WWC1: variants seen among roughly 807,000 people sequenced by gnomAD.
WWC1 encodes WW and C2 domain containing 1, also known as protein KIBRA.
WWC1 carries 55 observed loss-of-function variants against 138.4 expected under a neutral mutation model. The ratio of observed to expected loss-of-function variants is 0.40; its 90% CI spans 0.32 to 0.50. The LOEUF is 0.50. WWC1 is among the 20% of genes least tolerant of loss of function. The pLI is 0.72. For missense variants in WWC1, 1,226 were observed against 1,420.4 expected (o/e 0.86, Z 2.20); for synonymous variants, 524 against 564.9 (o/e 0.93, Z 1.03).
chr5:168,366,517 C>T lies in WWC1; in HGVS notation c.120-4907C>T, dbSNP rs1776300738. 3.3e-5 allele frequency among the ~76,000 whole-genome samples: 5 copies of T among 152,292 alleles called. No homozygotes were observed. The South Asian group carries it at 1.0e-3, about 32-fold the overall frequency. ...CTTCTAGCTTTGGGTCCTCTTGCCT[C>T]CCTCTGCTTTATTTCTCTTGGGCAC... On this transcript the variant is annotated intron_variant, in intron 1 of 22. Coordinates refer to ENST00000265293, the MANE Select transcript of WWC1 (RefSeq NM_015238.3).
At chr5:168,454,266 G>A (rs1345643714) in intron 18 of WWC1, among the ~76,000 whole-genome samples, 166 bp downstream of exon 18, 1 of 152,152 alleles carries the variant, frequency 6.6e-6, no homozygotes, top group Non-Finnish European at 1.5e-5. Flanking sequence ...AGTAAACCAG[G>A]AGAGGCCAAC....
At chr5:168,418,858 A>G (rs749811837) in intron 9 of WWC1, among the ~76,000 whole-genome samples, 3 of 152,084 alleles carry the variant, frequency 2.0e-5, no homozygotes, top group Non-Finnish European at 4.4e-5. Context: ...TTGAAAGTCA[A>G]GGATTTTGTT....
intron 2 of WWC1, among the ~76,000 whole-genome samples, chr5:168,384,735 TCAGAC>T (rs1777912695): frequency 1.8e-5 from 2 of 114,102 alleles, no homozygotes; most frequent in Admixed American, 8.6e-5. Flanking sequence ...TTTTTTTTTT[TCAGAC>T]AGAGTCTCAT....
intron 6 of WWC1, 64 bp from the exon 7 acceptor site, chr5:168,408,443 C>G (rs898046251): frequency 6.4e-7 from 1 of 1,574,244 alleles, no homozygotes; most frequent in East Asian, 2.2e-5. Context: ...GCACAGGGAG[C>G]GTGGCAGACC....
chr5:168,410,060 G>T (rs1361007322), intron 8 of WWC1, 65 bp downstream of exon 8: 1 of 1,485,948 alleles, frequency 6.7e-7, no homozygotes, highest in African/African-American at 1.4e-5. Flanking sequence ...TAGAATGCCT[G>T]CTCTGTGCTT....
At chr5:168,369,284 C>T (rs142514696) in intron 1 of WWC1, among the ~76,000 whole-genome samples, 16 of 152,324 alleles carry the variant, frequency 1.1e-4, no homozygotes, top group Admixed American at 3.9e-4. Flanking sequence ...AGAGTTAGTA[C>T]TGTCCTCATT....
chr5:168,427,946 G>T, intron 11 of WWC1, 87 bp from the exon 12 acceptor site: 1 of 1,100,946 alleles, frequency 9.1e-7, no homozygotes, highest in South Asian at 1.4e-5. Flanking sequence ...GGATGAGTGA[G>T]ACCCTGCCTC....
At chr5:168,337,494 C>T (rs56935130) in intron 1 of WWC1, among the ~76,000 whole-genome samples, 30,890 of 151,872 alleles carry the variant, frequency 0.2, 5,449 homozygotes, top group African/African-American at 0.47. Flanking sequence ...CTGCAGTGCA[C>T]AGGACAGCCC....
chr5:168,394,448 C>T (rs1035029103), intron 3 of WWC1, among the ~76,000 whole-genome samples: 6 of 152,098 alleles, frequency 3.9e-5, no homozygotes, highest in Admixed American at 6.6e-5. Context: ...GTAGCGGGGC[C>T]GGGCGTGGTG....
chr5:168,423,736 G>T lies in WWC1; in HGVS notation c.1478G>T (p.Arg493Leu), dbSNP rs138517446. The change falls in exon 11 of 23, where the codon CGG (arginine) becomes CTG (leucine). Residue 493 changes from arginine (R) to leucine (L), a missense_variant. By Grantham distance (102) the Arg-to-Leu change is moderately radical (BLOSUM62 -2). This residue lies in a region of WWC1 where 1,016 missense variants were observed against 1,153.9 expected (regional missense o/e 0.88). Transcript: ENST00000265293. ...FLLLEGATGF[R>L]PSGCITTIHE... ...CTCCTGGAGGGGGCCACCGGCTTCCGGCCCTCAGGCTGCATCACCACCATC... is the reference window on the plus strand; with the variant it reads ...CTCCTGGAGGGGGCCACCGGCTTCCTGCCCTCAGGCTGCATCACCACCATC... 3.7e-6 allele frequency: 6 copies of T among 1,613,834 alleles called. No individual in the cohort carries two copies. The African/African-American group carries it at 4.0e-5, about 11-fold the overall frequency.
intron 22 of WWC1, among the ~76,000 whole-genome samples, chr5:168,468,235 G>T (rs145851674): frequency 6.6e-6 from 1 of 152,226 alleles, no homozygotes; most frequent in Admixed American, 6.5e-5. Flanking sequence ...GCCTTTCCTC[G>T]TAGTGTTTTC....
At chr5:168,438,069 T>C (rs1754400355) in intron 15 of WWC1, among the ~76,000 whole-genome samples, 1 of 152,148 alleles carries the variant, frequency 6.6e-6, no homozygotes, top group Non-Finnish European at 1.5e-5. Flanking sequence ...CCCAATAGGC[T>C]GGTAGGTAGG....
At position 168,292,409 on chromosome 5, in the gene WWC1, T is replaced by A; in HGVS notation, c.119+138T>A. 4.2e-6 allele frequency: 4 copies of A among 958,838 alleles called. No homozygotes were observed. Among genetic ancestry groups the A allele is most frequent in the Non-Finnish European group, 4.5e-6 (3 of 667,012 alleles). The allele number at this position is 958,838 out of a possible 1,614,324, so 59.4% of individuals were successfully genotyped here. A position where few individuals can be genotyped will look rare whatever the true frequency, so the allele number is the denominator to read the frequency against. On this transcript the variant is annotated intron_variant, in intron 1 of 22. Transcript: ENST00000265293. This position sits in a 1 kb window ranked among gnomAD's most constrained non-coding sequence, Gnocchi z 4.4. ...GAGCTCTCTTCAGTTCGCCACCCCCTGCTCCCCCCAACCTTCTGGAGCGCT... is the reference window on the plus strand; with the variant it reads ...GAGCTCTCTTCAGTTCGCCACCCCCAGCTCCCCCCAACCTTCTGGAGCGCT...
At chr5:168,389,597 G>GTTTTT (rs55873477) in intron 3 of WWC1, among the ~76,000 whole-genome samples, 2 of 129,320 alleles carry the variant, frequency 1.5e-5, no homozygotes, top group African/African-American at 3.0e-5. Context: ...TTGAATTTTT[G>GTTTTT]TTTTTTTTTT....
At position 168,314,844 on chromosome 5, in the gene WWC1, G is replaced by A. The variant is rs939073024; in HGVS notation, c.119+22573G>A. Among the ~76,000 whole-genome samples, 6 of 152,312 alleles carry A rather than the reference G, an allele frequency of 3.9e-5. No homozygotes were observed. In the East Asian group the frequency reaches 9.7e-4, roughly 25 times the overall value. ...TTTCCTGGCATGAGGGTGGCAGGAGGTGTGGCCAGATTCCAGAGGGCTTTC... is the reference window on the plus strand; with the variant it reads ...TTTCCTGGCATGAGGGTGGCAGGAGATGTGGCCAGATTCCAGAGGGCTTTC... On this transcript the variant is annotated intron_variant, in intron 1 of 22. Coordinates refer to ENST00000265293, the MANE Select transcript of WWC1 (RefSeq NM_015238.3).
intron 1 of WWC1, among the ~76,000 whole-genome samples, chr5:168,320,017 G>A (rs1314622077): frequency 6.6e-6 from 1 of 150,398 alleles, no homozygotes; most frequent in Non-Finnish European, 1.5e-5. Flanking sequence ...GAGTGATGTT[G>A]AGCATTTATA....
intron 1 of WWC1, among the ~76,000 whole-genome samples, chr5:168,329,214 A>G (rs1772828543): frequency 6.6e-6 from 1 of 152,208 alleles, no homozygotes; most frequent in Non-Finnish European, 1.5e-5. Flanking sequence ...TACCCTGAGC[A>G]GGGACCTGTA....
At chr5:168,433,658 C>T (rs1456073011) in intron 15 of WWC1, among the ~76,000 whole-genome samples, 2 of 152,208 alleles carry the variant, frequency 1.3e-5, no homozygotes, top group East Asian at 1.9e-4. Context: ...CTGCCTTAGA[C>T]TCCAGAGTAG....
At chr5:168,368,753 C>T (rs1308641068) in intron 1 of WWC1, among the ~76,000 whole-genome samples, 1 of 152,170 alleles carries the variant, frequency 6.6e-6, no homozygotes, top group East Asian at 1.9e-4. Flanking sequence ...CTTCATTCTC[C>T]ATAAGGAAGA....
Sources: gnomAD v4.1 joint callset for allele counts (sites outside exome capture counted in the v4.1 genomes callset) on GRCh38, gnomAD v4.1.1 for gene constraint, gnomAD v4.1.1 regional missense constraint, Gnocchi (gnomAD v3.1) non-coding constraint, MANE v1.5 for transcripts, NCBI Gene and HGNC (gene_info 2026-07-23, HGNC 2026-07-21) for gene names.